CDC42SE2: variants seen among roughly 807,000 people sequenced by gnomAD.
CDC42SE2 encodes CDC42 small effector 2.
Under a neutral mutation model 11.5 loss-of-function variants are expected in CDC42SE2, and 3 were observed. That is an observed-to-expected ratio of 0.26 (90% CI 0.12 to 0.67). The LOEUF (loss-of-function observed/expected upper bound fraction) is 0.67, where lower values mean the gene tolerates loss of function less well. CDC42SE2 is among the 30% of genes least tolerant of loss of function. CDC42SE2 has a pLI of 0.80. For synonymous variants in CDC42SE2, 33 were observed against 34.8 expected (o/e 0.95, Z 0.18); for missense variants, 82 against 106.8 (o/e 0.77, Z 1.02).
At chr5:131,346,050 G>T (rs964746605) in intron 2 of CDC42SE2, among the ~76,000 whole-genome samples, 1 of 152,120 alleles carries the variant, frequency 6.6e-6, no homozygotes, top group Admixed American at 6.5e-5. Context: ...GCAAAAACAT[G>T]CCAAATTATA....
chr5:131,260,727 A>G (rs1756718594), upstream of CDC42SE2, among the ~76,000 whole-genome samples: 1 of 152,030 alleles, frequency 6.6e-6, no homozygotes, highest in Non-Finnish European at 1.5e-5. Flanking sequence ...TGAGGTCAGG[A>G]GTTCGAGACC....
intron 2 of CDC42SE2, among the ~76,000 whole-genome samples, chr5:131,348,616 T>G (rs1758916871): frequency 6.6e-6 from 1 of 152,160 alleles, no homozygotes; most frequent in East Asian, 1.9e-4. Flanking sequence ...ACCAATGACT[T>G]TCTTCACAGA....
At chr5:131,317,654 A>C (rs970339056) in intron 2 of CDC42SE2, among the ~76,000 whole-genome samples, 1 of 151,912 alleles carries the variant, frequency 6.6e-6, no homozygotes, top group African/African-American at 2.4e-5. Flanking sequence ...TCTAGATATA[A>C]ATGTTTCTTT....
intron 1 of CDC42SE2, among the ~76,000 whole-genome samples, chr5:131,250,866 C>G (rs779420832): frequency 1.1e-4 from 16 of 152,016 alleles, no homozygotes; most frequent in Non-Finnish European, 1.9e-4. Context: ...AGAGCAAGAT[C>G]CCAGGGTCTC....
intron 3 of CDC42SE2, among the ~76,000 whole-genome samples, chr5:131,361,574 G>GT (rs140995440): frequency 0.013 from 2,001 of 152,266 alleles, 44 homozygotes; most frequent in African/African-American, 0.044. Flanking sequence ...AGTTTGCCTT[G>GT]TGTTAACCAG....
intron 4 of CDC42SE2, among the ~76,000 whole-genome samples, chr5:131,386,457 T>G (rs181978097): frequency 6.6e-6 from 1 of 152,370 alleles, no homozygotes; most frequent in Non-Finnish European, 1.5e-5. Context: ...AGCATAGGAT[T>G]AGAATTTTCA....
intron 3 of CDC42SE2, among the ~76,000 whole-genome samples, chr5:131,383,530 A>T (rs73786660): frequency 0.017 from 2,592 of 152,274 alleles, 74 homozygotes; most frequent in African/African-American, 0.059. Flanking sequence ...AAGAGTGAAA[A>T]ACTATAATAA....
intron 2 of CDC42SE2, among the ~76,000 whole-genome samples, chr5:131,317,421 A>G (rs1003711666): frequency 2.0e-5 from 3 of 152,196 alleles, no homozygotes. Flanking sequence ...AGTAAGAAGC[A>G]TAATTCAGGA....
In CDC42SE2 at chr5:131,392,293, C is replaced by T. The variant is rs1196582995; in HGVS notation, c.*1202C>T. ...GTATGAGACCCACAAGCACAATGAT[C>T]ATTTTTATTTGTTTGTTTGTTTGAA... On this transcript the variant is annotated 3_prime_UTR_variant, in exon 5 of 5. Transcript: ENST00000505065. 1 of 152,614 alleles carries T rather than the reference C, an allele frequency of 6.6e-6. No homozygotes were observed. Among genetic ancestry groups the T allele is most frequent in the Non-Finnish European group, 1.5e-5 (1 of 68,024 alleles). The allele number at this position is 152,614 out of a possible 1,614,324, so 9.5% of individuals were successfully genotyped here.
intron 1 of CDC42SE2, among the ~76,000 whole-genome samples, chr5:131,281,699 C>G (rs1757241255): frequency 1.3e-5 from 2 of 152,250 alleles, no homozygotes; most frequent in African/African-American, 4.8e-5. Flanking sequence ...CAAAGTCTTG[C>G]CTGATTTTCC....
At chr5:131,247,028 G>T (rs766549586) in intron 1 of CDC42SE2, among the ~76,000 whole-genome samples, 1 of 151,934 alleles carries the variant, frequency 6.6e-6, no homozygotes, top group African/African-American at 2.4e-5. Flanking sequence ...ACAAGCGTGC[G>T]CCCCCATGCC....
intron 2 of CDC42SE2, among the ~76,000 whole-genome samples, chr5:131,347,411 A>G (rs1016111250): frequency 1.3e-5 from 2 of 152,218 alleles, no homozygotes; most frequent in Admixed American, 6.5e-5. Context: ...GAAATGGATA[A>G]ATTACTCGAC....
intron 3 of CDC42SE2, among the ~76,000 whole-genome samples, chr5:131,380,540 A>G (rs2149785974): frequency 6.6e-6 from 1 of 152,302 alleles, no homozygotes; most frequent in Admixed American, 6.5e-5. Context: ...AGTTTAGAAT[A>G]TTTATTTATA....
chr5:131,218,447 A>G, the CDC42SE2 span, among the ~76,000 whole-genome samples: 56 of 152,290 alleles, frequency 3.7e-4, 1 homozygote, highest in African/African-American at 1.3e-3. Context: ...TAGGAATACA[A>G]ATTGGTACAA....
chr5:131,212,410 G>A, the CDC42SE2 span, among the ~76,000 whole-genome samples: 4 of 152,086 alleles, frequency 2.6e-5, no homozygotes, highest in African/African-American at 9.7e-5. Flanking sequence ...GCCCTCCATG[G>A]TGTGGCAATT....
upstream of CDC42SE2, among the ~76,000 whole-genome samples, chr5:131,244,258 T>C (rs1214358460): frequency 1.3e-5 from 2 of 152,244 alleles, no homozygotes; most frequent in South Asian, 2.1e-4. Flanking sequence ...GTGGGTGATA[T>C]GAATCTACTT....
chr5:131,278,054 C>T (rs1387081828), intron 1 of CDC42SE2, among the ~76,000 whole-genome samples: 1 of 152,114 alleles, frequency 6.6e-6, no homozygotes, highest in Non-Finnish European at 1.5e-5. Context: ...AGTTCAGTGG[C>T]ATGATCAGGA....
intron 2 of CDC42SE2, among the ~76,000 whole-genome samples, chr5:131,354,003 A>G (rs1299593046): frequency 6.6e-6 from 1 of 151,958 alleles, no homozygotes; most frequent in African/African-American, 2.4e-5. Flanking sequence ...ATTTTGGGAG[A>G]AGGAGGCAGG....
chr5:131,342,388 C>CGTTTTTTTTTTTTTTTTTT (rs1758732102), intron 2 of CDC42SE2, among the ~76,000 whole-genome samples: 1 of 111,334 alleles, frequency 9.0e-6, no homozygotes, highest in African/African-American at 4.4e-5. Context: ...TTTTAATAGT[C>CGTTTTTTTTTTTTTTTTTT]TTTTTTTTTT....
Sources: allele counts gnomAD v4.1 joint callset (sites outside exome capture counted in the v4.1 genomes callset), GRCh38; gene constraint gnomAD v4.1.1; transcripts MANE v1.5; gene names NCBI Gene and HGNC (gene_info 2026-07-23, HGNC 2026-07-21).